The following ADAMTSL1 variants were observed in gnomAD, a reference collection of about 807,000 sequenced individuals.
The protein encoded by ADAMTSL1 is ADAMTS-like protein 1.
ADAMTSL1 carries 126 observed loss-of-function variants against 201.8 expected under a neutral mutation model. The observed-to-expected ratio is 0.62, with a 90% CI of 0.54 to 0.72. ADAMTSL1 has a LOEUF of 0.72. Among genes scored for constraint, ADAMTSL1 ranks in the 30% least tolerant of loss-of-function variants. The pLI is 0.00. For missense variants in ADAMTSL1, 2,679 were observed against 2,277.8 expected (o/e 1.18, Z -3.59); for synonymous variants, 1,121 against 903.4 (o/e 1.24, Z -4.32).
At chr9:18,902,829 A>G (rs1217651338) in intron 26 of ADAMTSL1, among the ~76,000 whole-genome samples, 13 of 152,212 alleles carry the variant, frequency 8.5e-5, no homozygotes, top group Admixed American at 8.5e-4. Context: ...TTTTAGCTAC[A>G]TTGGCAAAGA....
intron 15 of ADAMTSL1, among the ~76,000 whole-genome samples, chr9:18,751,455 CTG>C (rs942572065): frequency 1.3e-5 from 2 of 152,188 alleles, no homozygotes; most frequent in Non-Finnish European, 2.9e-5. Flanking sequence ...GTTCCCTCAA[CTG>C]TAAAATGAAG....
chr9:18,467,724 A>G (rs77117419), intron 2 of ADAMTSL1, among the ~76,000 whole-genome samples: 2,832 of 152,322 alleles, frequency 0.019, 60 homozygotes, highest in South Asian at 0.076. Flanking sequence ...ACAAATACAC[A>G]GTAGTCAAAG....
At chr9:18,295,235 C>T (rs760156128) in intron 2 of ADAMTSL1, among the ~76,000 whole-genome samples, 3 of 151,976 alleles carry the variant, frequency 2.0e-5, no homozygotes, top group Admixed American at 6.6e-5. Context: ...TTAGCTTTAC[C>T]GAGAGGTCAC....
chr9:18,055,395 G>A (rs555040754), intron 1 of ADAMTSL1, among the ~76,000 whole-genome samples: 1 of 152,196 alleles, frequency 6.6e-6, no homozygotes, highest in African/African-American at 2.4e-5. Flanking sequence ...ATCAAAGGAA[G>A]TGTGTAGAAG....
intron 2 of ADAMTSL1, among the ~76,000 whole-genome samples, chr9:18,417,367 G>GAAA (rs80226819): frequency 3.1e-5 from 2 of 64,690 alleles, no homozygotes; most frequent in African/African-American, 6.3e-5. Flanking sequence ...AAGTAAGCAG[G>GAAA]AAAAAAAAAA....
Position 18,889,613 on chromosome 9 carries a change from G to A in ADAMTSL1, c.4508G>A (p.Cys1503Tyr). ...AGACTGGCAACCTGCTCAGCCTCCT[G>A]TGGTAACCGGGGGGTTCAGCAGCCC... ...VDRLATCSASCGNRGVQQPRL... is the reference protein window; with the variant it reads ...VDRLATCSASYGNRGVQQPRL... Residue 1503 changes from cysteine to tyrosine, a missense_variant, in exon 25 of 29, where the codon TGT (cysteine) becomes TAT (tyrosine). Physicochemically the swap from Cys to Tyr is radical, Grantham distance 194. Coordinates refer to ENST00000380548, the MANE Select transcript of ADAMTSL1 (RefSeq NM_001040272.6). 2 of 1,613,806 alleles carry A rather than the reference G, an allele frequency of 1.2e-6. No homozygotes were observed. Among genetic ancestry groups the A allele is most frequent in the South Asian group, 1.1e-5 (1 of 91,038 alleles).
chr9:17,906,809 C>G (rs1825730755), exon 1 of ADAMTSL1: 1 of 152,298 alleles, frequency 6.6e-6, no homozygotes, highest in South Asian at 2.1e-4. Flanking sequence ...TCGCCTGAGA[C>G]TCCCCTTGGT....
intron 19 of ADAMTSL1, among the ~76,000 whole-genome samples, chr9:18,779,427 A>G (rs1360533298): frequency 6.6e-6 from 1 of 152,172 alleles, no homozygotes; most frequent in Non-Finnish European, 1.5e-5. Flanking sequence ...TCAGTGCTTT[A>G]AAGGCATTAT....
intron 1 of ADAMTSL1, among the ~76,000 whole-genome samples, chr9:18,092,503 C>G (rs551478211): frequency 2.6e-5 from 4 of 152,180 alleles, no homozygotes; most frequent in Non-Finnish European, 5.9e-5. Context: ...TGTCTTTGGT[C>G]CATACCACTA....
intron 23 of ADAMTSL1, among the ~76,000 whole-genome samples, chr9:18,867,055 T>A (rs1489365214): frequency 6.6e-6 from 1 of 152,212 alleles, no homozygotes; most frequent in Non-Finnish European, 1.5e-5. Context: ...CACACTTTCT[T>A]GCAAGGAAAG....
intron 2 of ADAMTSL1, among the ~76,000 whole-genome samples, chr9:18,346,976 G>A (rs958935124): frequency 1.3e-5 from 2 of 152,026 alleles, no homozygotes; most frequent in Non-Finnish European, 2.9e-5. Flanking sequence ...TTCAGATTCC[G>A]AGATTAATAA....
intron 26 of ADAMTSL1, chr9:18,905,580 A>C (rs1293601798): frequency 1.8e-6 from 1 of 559,606 alleles, no homozygotes. Flanking sequence ...GAATGCCCAC[A>C]GACCACAGGA....
At chr9:18,090,854 C>G (rs1435616258) in intron 1 of ADAMTSL1, among the ~76,000 whole-genome samples, 6 of 152,054 alleles carry the variant, frequency 3.9e-5, no homozygotes, top group African/African-American at 1.4e-4. Flanking sequence ...CCTTCCTCCC[C>G]CTGGCGTTTT....
chr9:18,614,418 G>A, intron 4 of ADAMTSL1, among the ~76,000 whole-genome samples: 1 of 152,122 alleles, frequency 6.6e-6, no homozygotes, highest in Middle Eastern at 3.2e-3. Flanking sequence ...GCGATTTGCG[G>A]CAAGTTGTGT....
chr9:17,920,154 A>T (rs1164669835), intron 1 of ADAMTSL1, among the ~76,000 whole-genome samples: 1 of 152,170 alleles, frequency 6.6e-6, no homozygotes, highest in Non-Finnish European at 1.5e-5. Context: ...TTCTTAATTT[A>T]TGTAACTGTT....
intron 2 of ADAMTSL1, among the ~76,000 whole-genome samples, chr9:18,217,649 T>C (rs1216026118): frequency 6.6e-6 from 1 of 152,218 alleles, no homozygotes; most frequent in Non-Finnish European, 1.5e-5. Flanking sequence ...TTCCTTTGCA[T>C]TCAACTCTTG....
At chr9:18,727,969 A>G (rs1219474613) in intron 15 of ADAMTSL1, among the ~76,000 whole-genome samples, 2 of 151,934 alleles carry the variant, frequency 1.3e-5, no homozygotes, top group Non-Finnish European at 2.9e-5. Flanking sequence ...AACCCCAGCT[A>G]CTCGGGACGC....
At chr9:18,785,621 G>A (rs895193287) in intron 19 of ADAMTSL1, among the ~76,000 whole-genome samples, 7 of 152,148 alleles carry the variant, frequency 4.6e-5, no homozygotes, top group African/African-American at 1.7e-4. Context: ...TATAAACACT[G>A]AGCACACATT....
intron 2 of ADAMTSL1, among the ~76,000 whole-genome samples, chr9:18,249,710 C>T (rs879314837): frequency 2.0e-5 from 3 of 152,174 alleles, no homozygotes; most frequent in Admixed American, 6.5e-5. Context: ...CTTGAAAACC[C>T]TACGGATACA....
Sources: allele counts gnomAD v4.1 joint callset (sites outside exome capture counted in the v4.1 genomes callset), GRCh38; gene constraint gnomAD v4.1.1; transcripts MANE v1.5; gene names NCBI Gene and HGNC (gene_info 2026-07-23, HGNC 2026-07-21).